Variants in ZNF578 observed in about 807,000 individuals in gnomAD.
ZNF578 encodes zinc finger protein 578.
ZNF578 carries 8 observed loss-of-function variants against 8.3 expected under a neutral mutation model. That is an observed-to-expected ratio of 0.96 (90% CI 0.56 to 1.74). The LOEUF (loss-of-function observed/expected upper bound fraction) is 1.74, where lower values mean the gene tolerates loss of function less well. Ranked by LOEUF, ZNF578 falls within the 40% of genes most tolerant of loss-of-function variation. The pLI is 0.00. For synonymous variants in ZNF578, 206 were observed against 232.2 expected (o/e 0.89, Z 1.03); for missense variants, 726 against 707.5 (o/e 1.03, Z -0.30).
At chr19:52,493,013 G>A (rs1419798343) in intron 3 of ZNF578, 1 of 152,404 alleles carries the variant, frequency 6.6e-6, no homozygotes, top group Admixed American at 6.5e-5. Context: ...GAGTCCGGGA[G>A]TTGCTTCCTT....
intron 2 of ZNF578, among the ~76,000 whole-genome samples, chr19:52,477,249 T>G (rs1167714803): frequency 6.6e-6 from 1 of 152,164 alleles, no homozygotes; most frequent in Non-Finnish European, 1.5e-5. Flanking sequence ...GGCAGGGAGA[T>G]CTTATCCTGG....
intron 5 of ZNF578, among the ~76,000 whole-genome samples, chr19:52,506,347 A>G (rs2059425584): frequency 6.6e-6 from 1 of 151,626 alleles, no homozygotes; most frequent in South Asian, 2.1e-4. Flanking sequence ...GCGGTGGCCC[A>G]TGCCTGTAAT....
chr19:52,485,000 T>C (rs989794963), intron 2 of ZNF578, among the ~76,000 whole-genome samples: 2 of 145,288 alleles, frequency 1.4e-5, no homozygotes, highest in East Asian at 2.4e-4. Context: ...GTGAGCAACA[T>C]GGCTGTTTAT....
In ZNF578 at chr19:52,511,975, C is replaced by T. The variant is rs1568468675; in HGVS notation, c.1594C>T (p.Leu532Phe). The T allele has an allele frequency of 6.2e-7, 1 of 1,613,898 alleles. No homozygotes were observed. Among genetic ancestry groups the T allele is most frequent in the Non-Finnish European group, 8.5e-7 (1 of 1,179,974 alleles). Residue 532 changes from leucine to phenylalanine, a missense_variant, in exon 6 of 6, where the codon CTT becomes TTT. By Grantham distance (22) the Leu-to-Phe change is conservative. Coordinates refer to ENST00000421239, the MANE Select transcript of ZNF578 (RefSeq NM_001099694.2). The stretch of plus-strand genomic sequence containing the variant: ...GTCACACCTTTCACGTCATCATAGA[C>T]TTCATACTGGAGAGAAACCTTACAA... The part of the protein sequence containing the change: ...VQSHLSRHHR[L>F]HTGEKPYKCK...
chr19:52,509,738 A>C (rs2059437778), intron 5 of ZNF578, among the ~76,000 whole-genome samples: 1 of 152,218 alleles, frequency 6.6e-6, no homozygotes, highest in Non-Finnish European at 1.5e-5. Context: ...TGGCACTTCA[A>C]GCTGGAATGC....
intron 3 of ZNF578, among the ~76,000 whole-genome samples, chr19:52,496,013 T>A (rs1189618044): frequency 6.6e-6 from 1 of 151,382 alleles, no homozygotes; most frequent in African/African-American, 2.5e-5. Context: ...TTAATTAGTT[T>A]AGTTGTCTTT....
chr19:52,464,595 T>C (rs1807827631), intron 2 of ZNF578, among the ~76,000 whole-genome samples: 3 of 152,198 alleles, frequency 2.0e-5, no homozygotes, highest in African/African-American at 7.2e-5. Flanking sequence ...CTATAAGCAA[T>C]CCAGCGTTTG....
chr19:52,478,508 ACTCCCT>A (rs1306967287), intron 2 of ZNF578, among the ~76,000 whole-genome samples: 1 of 151,806 alleles, frequency 6.6e-6, no homozygotes, highest in Non-Finnish European at 1.5e-5. Context: ...CAATTTTTAT[ACTCCCT>A]CTCCTGTTTT....
At chr19:52,473,839 T>C in intron 2 of ZNF578, 1 of 316,578 alleles carries the variant, frequency 3.2e-6, no homozygotes, top group East Asian at 7.2e-5. Flanking sequence ...CTGTATGAAT[T>C]CTCCAACATT....
chr19:52,472,513 C>A (rs1266441043), intron 2 of ZNF578, among the ~76,000 whole-genome samples: 1 of 152,204 alleles, frequency 6.6e-6, no homozygotes, highest in Admixed American at 6.5e-5. Flanking sequence ...TTTTGCTAAA[C>A]AACAGCTATT....
At chr19:52,472,773 T>C (rs1435577827) in intron 2 of ZNF578, among the ~76,000 whole-genome samples, 1 of 152,210 alleles carries the variant, frequency 6.6e-6, no homozygotes, top group Admixed American at 6.5e-5. Context: ...CTCCATGCCA[T>C]GAAAAGATTT....
At chr19:52,498,784 C>A (rs1431044722) in intron 3 of ZNF578, among the ~76,000 whole-genome samples, 1 of 150,532 alleles carries the variant, frequency 6.6e-6, no homozygotes, top group Admixed American at 6.6e-5. Flanking sequence ...CTCCCGGGCT[C>A]AAGTGATCTT....
At chr19:52,488,533 C>T (rs1039535123) in intron 2 of ZNF578, among the ~76,000 whole-genome samples, 7 of 151,658 alleles carry the variant, frequency 4.6e-5, no homozygotes, top group African/African-American at 1.5e-4. Flanking sequence ...GGCGTGAACC[C>T]GGTAGGCGGA....
Position 52,511,169 on chromosome 19 carries a change from T to A in ZNF578, c.788T>A (p.Ile263Lys). 1 of 1,614,190 alleles carries A rather than the reference T, an allele frequency of 6.2e-7. No homozygotes were observed. The highest frequency in any genetic ancestry group is 1.3e-5 in the African/African-American group (1 of 75,038). ...GGAGAAAAACAATATAAATTTGATA[T>A]ATGTGGCAAAGTCTTTAATGAGAAG... Reference protein sequence around the residue: ...HLGEKQYKFDICGKVFNEKRY... With the variant: ...HLGEKQYKFDKCGKVFNEKRY... Residue 263 changes from isoleucine to lysine, a missense_variant, in exon 6 of 6, where the codon ATA (isoleucine) becomes AAA (lysine). By Grantham distance (102) the Ile-to-Lys change is moderately radical. Coordinates refer to ENST00000421239, the MANE Select transcript of ZNF578 (RefSeq NM_001099694.2).
rs2059474764 is a variant in ZNF578, at chr19:52,516,165, T to G, written c.*4011T>G. Among the ~76,000 whole-genome samples the G allele has an allele frequency of 6.6e-6, 1 of 152,204 alleles. No homozygotes were observed. Among genetic ancestry groups the G allele is most frequent in the Admixed American group, 6.5e-5 (1 of 15,272 alleles). On this transcript the variant is annotated 3_prime_UTR_variant, in exon 6 of 6. Coordinates refer to ENST00000421239, the MANE Select transcript of ZNF578 (RefSeq NM_001099694.2). Reference sequence around the variant, plus strand: ...TATGTACCCTGTCCCTTTCTCCTCCTTCAGGTCTAGGCTCAGAGCTCTCTC... The same window carrying G: ...TATGTACCCTGTCCCTTTCTCCTCCGTCAGGTCTAGGCTCAGAGCTCTCTC...
intron 5 of ZNF578, among the ~76,000 whole-genome samples, chr19:52,509,297 G>T (rs71358877): frequency 0.072 from 10,878 of 152,092 alleles, 461 homozygotes; most frequent in Middle Eastern, 0.13. Flanking sequence ...TTCTTATATT[G>T]TGTGCTGGTG....
intron 5 of ZNF578, among the ~76,000 whole-genome samples, chr19:52,506,525 T>G (rs1443920838): frequency 2.1e-5 from 3 of 145,890 alleles, no homozygotes; most frequent in African/African-American, 7.6e-5. Context: ...TGGAGTGCAG[T>G]GGTGCAATTT....
intron 2 of ZNF578, among the ~76,000 whole-genome samples, chr19:52,459,901 A>G (rs1256478767): frequency 7.0e-6 from 1 of 142,668 alleles, no homozygotes; most frequent in African/African-American, 2.6e-5. Context: ...CAGCCTTCCA[A>G]GTACTACAGG....
chr19:52,516,862 C>T lies in ZNF578; in HGVS notation c.*4708C>T, dbSNP rs915114068. On this transcript the variant is annotated 3_prime_UTR_variant, in exon 6 of 6. Coordinates refer to ENST00000421239, the MANE Select transcript of ZNF578 (RefSeq NM_001099694.2). ...CCCGCCTGCACCCAGGTGAAATAAACAGCCTCGTTGCTCACACAAAGCCTG... is the reference window on the plus strand; with the variant it reads ...CCCGCCTGCACCCAGGTGAAATAAATAGCCTCGTTGCTCACACAAAGCCTG... Among the ~76,000 whole-genome samples the T allele has an allele frequency of 2.0e-5, 3 of 152,238 alleles. No individual in the cohort carries two copies. The highest frequency in any genetic ancestry group is 4.4e-5 in the Non-Finnish European group (3 of 68,054).
Sources: allele counts gnomAD v4.1 joint callset (sites outside exome capture counted in the v4.1 genomes callset), GRCh38; gene constraint gnomAD v4.1.1; transcripts MANE v1.5; gene names NCBI Gene and HGNC (gene_info 2026-07-23, HGNC 2026-07-21).